The following PLEKHG7 variants were observed in gnomAD, a reference collection of about 807,000 sequenced individuals.
The protein encoded by PLEKHG7 is pleckstrin homology and RhoGEF domain containing G7.
In PLEKHG7, 77 loss-of-function variants were observed where a neutral mutation model predicts 85.2. That is an observed-to-expected ratio of 0.90 (90% CI 0.75 to 1.09). PLEKHG7 has a LOEUF of 1.09. Ranked by LOEUF, PLEKHG7 falls within the 50% of genes least tolerant of loss-of-function variation. The pLI, the probability that PLEKHG7 is intolerant of heterozygous loss-of-function variation, is 0.00. For missense variants in PLEKHG7, 777 were observed against 804.3 expected (o/e 0.97, Z 0.41); for synonymous variants, 301 against 302.4 (o/e 1.00, Z 0.05).
At chr12:92,735,109 T>G (rs1463169151) in intron 5 of PLEKHG7, among the ~76,000 whole-genome samples, 1 of 152,142 alleles carries the variant, frequency 6.6e-6, no homozygotes, top group Non-Finnish European at 1.5e-5. Context: ...AAACACGGGG[T>G]TGGCACTCAC....
intron 9 of PLEKHG7, among the ~76,000 whole-genome samples, chr12:92,743,825 G>T (rs1872439934): frequency 1.3e-5 from 2 of 152,138 alleles, no homozygotes; most frequent in South Asian, 2.1e-4. Context: ...CTCCCAAAGT[G>T]CTGGGATTAC....
At chr12:92,759,771 C>T (rs764750417) in intron 13 of PLEKHG7, among the ~76,000 whole-genome samples, 1 of 152,224 alleles carries the variant, frequency 6.6e-6, no homozygotes, top group East Asian at 1.9e-4. Flanking sequence ...GCTTAAGCCA[C>T]CCTGTCTGTG....
Position 92,706,743 on chromosome 12 carries a change from G to C in PLEKHG7, c.112G>C (p.Asp38His). The change falls in exon 2 of 17, where the codon GAC becomes CAC. Residue 38 changes from aspartate to histidine, a missense_variant. By Grantham distance (81) the Asp-to-His change is moderately conservative. Coordinates refer to ENST00000344636, the MANE Select transcript of PLEKHG7 (RefSeq NM_001377329.1). Reference protein sequence around the residue: ...PKNQGSLLQFDRQAPGRISTS... With the variant: ...PKNQGSLLQFHRQAPGRISTS... ...GAACCAGGGGAGTCTCCTCCAGTTTGACCGGCAAGCCCCAGGCCGCATCTC... is the reference window on the plus strand; with the variant it reads ...GAACCAGGGGAGTCTCCTCCAGTTTCACCGGCAAGCCCCAGGCCGCATCTC... 1 of 1,614,040 alleles carries C rather than the reference G, an allele frequency of 6.2e-7. No homozygotes were observed. The highest frequency in any genetic ancestry group is 8.5e-7 in the Non-Finnish European group (1 of 1,180,020).
intron 3 of PLEKHG7, among the ~76,000 whole-genome samples, chr12:92,726,567 C>T (rs780497708): frequency 2.0e-5 from 3 of 152,182 alleles, no homozygotes; most frequent in African/African-American, 7.2e-5. Flanking sequence ...AACTGTGAGT[C>T]CCTACAGTTC....
At chr12:92,754,006 T>C in intron 10 of PLEKHG7, 84 bp from the exon 11 acceptor site, 1 of 1,404,748 alleles carries the variant, frequency 7.1e-7, no homozygotes, top group Non-Finnish European at 9.8e-7. Context: ...GAGTAAAATC[T>C]CCAAGAACCT....
chr12:92,713,106 A>G (rs1159731327), intron 3 of PLEKHG7, among the ~76,000 whole-genome samples: 1 of 152,182 alleles, frequency 6.6e-6, no homozygotes, highest in African/African-American at 2.4e-5. Flanking sequence ...TCCAGCCTGG[A>G]CGGCAGAGCA....
chr12:92,706,735 T>G lies in PLEKHG7; in HGVS notation c.104T>G (p.Leu35Arg). 6.2e-7 allele frequency: 1 copy of G among 1,614,052 alleles called. No homozygotes were observed. The highest frequency in any genetic ancestry group is 8.5e-7 in the Non-Finnish European group (1 of 1,180,004). Residue 35 changes from leucine to arginine, a missense_variant, in exon 2 of 17, where the codon CTC becomes CGC. By Grantham distance (102) the Leu-to-Arg change is moderately radical. This residue lies in a region of PLEKHG7 where 252 missense variants were observed against 241.9 expected (regional missense o/e 1.04). Coordinates refer to ENST00000344636, the MANE Select transcript of PLEKHG7 (RefSeq NM_001377329.1). The part of the protein sequence containing the change: ...RSLPKNQGSL[L>R]QFDRQAPGRI... ...CTGCCAAAGAACCAGGGGAGTCTCC[T>G]CCAGTTTGACCGGCAAGCCCCAGGC...
rs911721285 is a variant in PLEKHG7, at chr12:92,722,594, C to T, written c.531-6399C>T. 3.9e-5 allele frequency among the ~76,000 whole-genome samples: 6 copies of T among 152,118 alleles called. No individual in the cohort carries two copies. In the East Asian group the frequency reaches 1.2e-3, roughly 29 times the overall value. ...CTGCTCCCTATGTGCAAATTCAACT[C>T]CAAATTTGACCTTTGTGCTCCCAAA... On this transcript the variant is annotated intron_variant, in intron 3 of 16. Coordinates refer to ENST00000344636, the MANE Select transcript of PLEKHG7 (RefSeq NM_001377329.1).
intron 13 of PLEKHG7, 74 bp from the exon 14 acceptor site, chr12:92,761,672 AAGAAAG>A (rs1873033924): frequency 3.2e-6 from 4 of 1,265,948 alleles, no homozygotes; most frequent in Non-Finnish European, 4.1e-6. Context: ...GAAAGAAAGA[AAGAAAG>A]AAAGAAAGGG....
intron 9 of PLEKHG7, 113 bp from the exon 10 acceptor site, chr12:92,745,365 C>T: frequency 1.4e-6 from 1 of 689,738 alleles, no homozygotes; most frequent in Admixed American, 2.4e-5. Flanking sequence ...CATGGCGACT[C>T]CTCCACTTTT....
chr12:92,729,259 C>T (rs755451555), intron 4 of PLEKHG7, 139 bp downstream of exon 4: 10 of 1,067,518 alleles, frequency 9.4e-6, no homozygotes, highest in Admixed American at 4.3e-5. Context: ...CCAATTACAA[C>T]GGGCACCAGC....
At chr12:92,759,652 G>T (rs1253650844) in intron 13 of PLEKHG7, among the ~76,000 whole-genome samples, 1 of 152,204 alleles carries the variant, frequency 6.6e-6, no homozygotes, top group Non-Finnish European at 1.5e-5. Context: ...TGTTTGCCAT[G>T]TAAGAACACA....
chr12:92,733,920 G>A (rs1233707487), intron 5 of PLEKHG7, among the ~76,000 whole-genome samples: 2 of 152,212 alleles, frequency 1.3e-5, no homozygotes, highest in Admixed American at 1.3e-4. Flanking sequence ...TCACAATTGA[G>A]AAGATGGGAC....
chr12:92,710,941 A>G (rs900232234), intron 3 of PLEKHG7, among the ~76,000 whole-genome samples: 1 of 152,176 alleles, frequency 6.6e-6, no homozygotes, highest in African/African-American at 2.4e-5. Context: ...GTGGGGTACA[A>G]ATATCTTCAC....
intron 3 of PLEKHG7, among the ~76,000 whole-genome samples, chr12:92,715,716 CAAAAAAAAAA>C (rs11331072): frequency 3.4e-5 from 3 of 87,460 alleles, no homozygotes; most frequent in African/African-American, 1.4e-4. Context: ...GTTCTTGCCT[CAAAAAAAAAA>C]AAAAAAAAAA....
At chr12:92,743,452 T>C (rs1872427071) in intron 9 of PLEKHG7, among the ~76,000 whole-genome samples, 1 of 151,732 alleles carries the variant, frequency 6.6e-6, no homozygotes, top group South Asian at 2.1e-4. Flanking sequence ...TCCAATGAGA[T>C]AGAAACTGAG....
At chr12:92,761,729 T>G in intron 13 of PLEKHG7, 23 bp from the exon 14 acceptor site, 2 of 1,547,522 alleles carry the variant, frequency 1.3e-6, no homozygotes, top group Non-Finnish European at 1.7e-6. Flanking sequence ...GGTCCCCATT[T>G]CAGCTTCTCT....
chr12:92,731,690 A>G (rs1479029030), intron 4 of PLEKHG7, among the ~76,000 whole-genome samples: 1 of 152,222 alleles, frequency 6.6e-6, no homozygotes, highest in African/African-American at 2.4e-5. Context: ...GATGGCCAGT[A>G]GCAAGAAGCC....
chr12:92,711,163 G>A (rs953850971), intron 3 of PLEKHG7, among the ~76,000 whole-genome samples: 1 of 152,238 alleles, frequency 6.6e-6, no homozygotes, highest in African/African-American at 2.4e-5. Context: ...TGCCCACTGG[G>A]AAGATTTCCT....
Sources: gnomAD v4.1 joint callset for allele counts (sites outside exome capture counted in the v4.1 genomes callset) on GRCh38, gnomAD v4.1.1 for gene constraint, gnomAD v4.1.1 regional missense constraint, MANE v1.5 for transcripts, NCBI Gene and HGNC (gene_info 2026-07-23, HGNC 2026-07-21) for gene names.